The following DYDC2 variants were observed in gnomAD, a reference collection of about 807,000 sequenced individuals.
DYDC2 encodes DPY30 domain-containing protein 2.
Under a neutral mutation model 18.7 loss-of-function variants are expected in DYDC2, and 19 were observed. The ratio of observed to expected loss-of-function variants is 1.02; its 90% CI spans 0.71 to 1.49. The LOEUF is 1.49. Among genes scored for constraint, DYDC2 ranks in the 40% most tolerant of loss-of-function variants. The pLI, the probability that DYDC2 is intolerant of heterozygous loss-of-function variation, is 0.00. For missense variants in DYDC2, 179 were observed against 205.1 expected, an observed-to-expected ratio of 0.87 and a Z score of 0.78; for synonymous variants, 63 against 67.6, an observed-to-expected ratio of 0.93 and a Z score of 0.34.
chr10:80,363,074 G>A lies in DYDC2; in HGVS notation c.270+1G>A, dbSNP rs764944790. 5 of 1,610,796 alleles carry A rather than the reference G, an allele frequency of 3.1e-6. No homozygotes were observed. In the Admixed American group the frequency reaches 5.0e-5, roughly 16 times the overall value. On this transcript the variant is annotated splice_donor_variant, in intron 4 of 4. Coordinates refer to ENST00000256039, the MANE Select transcript of DYDC2 (RefSeq NM_032372.6). LOFTEE classifies it high-confidence loss of function. ...ACAGAACTGTGAAAAGTGTCACAAG[G>A]TAGGGAGAAGGACTCAGCTTTGGGT... is the stretch of plus-strand genomic sequence containing the variant.
At position 80,346,444 on chromosome 10, in the gene DYDC2, C is replaced by CTTTTTTTTTTTTTTTTTT. The variant is rs1032729095; in HGVS notation, c.-310+1639_-310+1656dup. 3.0e-3 allele frequency among the ~76,000 whole-genome samples: 247 copies of CTTTTTTTTTTTTTTTTTT among 83,362 alleles called. 33 individuals are homozygous for CTTTTTTTTTTTTTTTTTT. Among genetic ancestry groups the CTTTTTTTTTTTTTTTTTT allele is most frequent in the African/African-American group, 0.011 (227 of 20,118 alleles). The allele number at this position is 83,362 out of a possible 152,430, so 54.7% of individuals were successfully genotyped here. A position where few individuals can be genotyped will look rare whatever the true frequency, so the allele number is the denominator to read the frequency against. ...TCACCAATGTGTGTCTCTTCCCTTT[C>CTTTTTTTTTTTTTTTTTT]TTTTTTTTTTTTTTTTTTTTTTTTT... On this transcript the variant is annotated intron_variant, in intron 1 of 4. Coordinates refer to the DYDC2 transcript ENST00000372197.
intron 1 of DYDC2, among the ~76,000 whole-genome samples, chr10:80,347,460 C>T (rs372879242): frequency 6.6e-6 from 1 of 151,958 alleles, no homozygotes; most frequent in African/African-American, 2.4e-5. Flanking sequence ...TTGACCTAGT[C>T]CCATTTGTTT....
At position 80,366,763 on chromosome 10, in the gene DYDC2, G is replaced by A. The variant is rs1251778666; in HGVS notation, c.346G>A (p.Ala116Thr). The change falls in exon 5 of 5, where the codon GCC becomes ACC. Residue 116 changes from alanine (A) to threonine (T), a missense_variant. Ala to Thr is a moderately conservative substitution (Grantham distance 58, BLOSUM62 0). Coordinates refer to ENST00000256039, the MANE Select transcript of DYDC2 (RefSeq NM_032372.6). ...QEDTNPLEKEALKQEFLPGTS... is the reference protein window; with the variant it reads ...QEDTNPLEKETLKQEFLPGTS... ...GGACACAAACCCCCTTGAGAAGGAG[G>A]CCTTGAAGCAGGAATTCCTGCCAGG... is the stretch of plus-strand genomic sequence containing the variant. 6.8e-6 allele frequency: 11 copies of A among 1,614,008 alleles called. No individual in the cohort carries two copies. The East Asian group carries it at 1.1e-4, about 16-fold the overall frequency.
Position 80,356,815 on chromosome 10 carries a change from C to A in DYDC2, c.-173C>A, listed in dbSNP as rs1478957373. Reference sequence around the variant, plus strand: ...TGTAGGCGCCGCAAAGCGGAAGGGGCGCGCGGATAGGTGAGCAGAGGGCAC... The same window carrying A: ...TGTAGGCGCCGCAAAGCGGAAGGGGAGCGCGGATAGGTGAGCAGAGGGCAC... On this transcript the variant is annotated 5_prime_UTR_variant, in exon 1 of 5. Transcript: ENST00000256039. The A allele has an allele frequency of 4.1e-6, 4 of 984,904 alleles. No homozygotes were observed. The highest frequency in any genetic ancestry group is 1.2e-4 in the Admixed American group (2 of 16,224). 61.0% of individuals were successfully genotyped at this position (984,904 alleles called of 1,614,324 possible). A position where few individuals can be genotyped will look rare whatever the true frequency, so the allele number is the denominator to read the frequency against.
chr10:80,359,611 T>C (rs1462339997), intron 2 of DYDC2, among the ~76,000 whole-genome samples: 2 of 152,092 alleles, frequency 1.3e-5, no homozygotes, highest in African/African-American at 2.4e-5. Flanking sequence ...GGCTCGGGCA[T>C]GGCGGGCTGC....
At chr10:80,349,779 C>T (rs543570974) in intron 1 of DYDC2, among the ~76,000 whole-genome samples, 2 of 152,298 alleles carry the variant, frequency 1.3e-5, no homozygotes, top group Admixed American at 6.5e-5. Flanking sequence ...AATCCCCTTC[C>T]TCACACATGA....
intron 1 of DYDC2, among the ~76,000 whole-genome samples, chr10:80,357,199 G>A (rs993968871): frequency 6.7e-6 from 1 of 149,642 alleles, no homozygotes; most frequent in African/African-American, 2.5e-5. Flanking sequence ...GAAAGAAGGG[G>A]AGCGTGGCAG....
At chr10:80,358,616 C>T (rs1214727833) in intron 2 of DYDC2, among the ~76,000 whole-genome samples, 1 of 152,180 alleles carries the variant, frequency 6.6e-6, no homozygotes, top group Non-Finnish European at 1.5e-5. Flanking sequence ...GTTGGTGATT[C>T]TGCCTTCGGG....
chr10:80,356,620 G>T, upstream of DYDC2: 2 of 985,522 alleles, frequency 2.0e-6, no homozygotes, highest in Non-Finnish European at 2.4e-6. Flanking sequence ...GACGCCCAAG[G>T]CCCAACGGTC....
upstream of DYDC2, chr10:80,344,755 A>G (rs546604636): frequency 1.1e-4 from 35 of 327,898 alleles, no homozygotes; most frequent in African/African-American, 6.7e-4. Flanking sequence ...TGCTGCCACC[A>G]TGTAAGAAGT....
chr10:80,356,578 CG>C (rs2132869828), upstream of DYDC2: 1 of 985,528 alleles, frequency 1.0e-6, no homozygotes, highest in East Asian at 1.1e-4. Flanking sequence ...AGGCGCGAAG[CG>C]GCCTCTCTCC....
chr10:80,365,004 T>C (rs1260319566), intron 4 of DYDC2, among the ~76,000 whole-genome samples: 3 of 152,216 alleles, frequency 2.0e-5, no homozygotes, highest in Non-Finnish European at 2.9e-5. Context: ...TTGCTATTGG[T>C]CACCTTCACC....
chr10:80,350,104 C>G (rs1842897330), intron 1 of DYDC2, among the ~76,000 whole-genome samples: 1 of 151,766 alleles, frequency 6.6e-6, no homozygotes, highest in Admixed American at 6.6e-5. Context: ...TCGATCTCTC[C>G]TATCTATTTC....
rs200443758 is a variant in DYDC2, at chr10:80,366,979, A to G, written c.*28A>G. On this transcript the variant is annotated 3_prime_UTR_variant, in exon 5 of 5. Coordinates refer to ENST00000256039, the MANE Select transcript of DYDC2 (RefSeq NM_032372.6). ...TACAGAAGGTAGATGCTTCTGATTT[A>G]CTTCTCTCAAAGCTAGAAGCCAAGA... The G allele has an allele frequency of 8.2e-6, 13 of 1,580,834 alleles. No homozygotes were observed. The African/African-American group carries it at 1.8e-4, about 21-fold the overall frequency.
chr10:80,363,454 C>A (rs1277281795), intron 4 of DYDC2, among the ~76,000 whole-genome samples: 1 of 146,636 alleles, frequency 6.8e-6, no homozygotes, highest in Admixed American at 7.0e-5. Flanking sequence ...AAGTGATTCT[C>A]CTGTCTCAGC....
intron 1 of DYDC2, among the ~76,000 whole-genome samples, chr10:80,351,220 T>G (rs1842954544): frequency 6.6e-6 from 1 of 152,050 alleles, no homozygotes; most frequent in Admixed American, 6.6e-5. Flanking sequence ...AGAAGGTGCT[T>G]CCACCAACAC....
chr10:80,352,077 T>C (rs1589519958), upstream of DYDC2: 2 of 1,364,134 alleles, frequency 1.5e-6, no homozygotes, highest in East Asian at 4.6e-5. Context: ...TTGAAAGCAC[T>C]TAATAGGAAC....
chr10:80,359,137 C>A (rs1298911921), intron 2 of DYDC2, among the ~76,000 whole-genome samples: 1 of 152,178 alleles, frequency 6.6e-6, no homozygotes, highest in Non-Finnish European at 1.5e-5. Flanking sequence ...GTTCATTTTA[C>A]AGAGAGCTGA....
upstream of DYDC2, among the ~76,000 whole-genome samples, chr10:80,353,327 A>AT (rs1269972658): frequency 6.6e-6 from 1 of 150,944 alleles, no homozygotes; most frequent in East Asian, 2.0e-4. Context: ...TGTCTGGCTA[A>AT]TTTTTTTTGT....
Sources: gnomAD v4.1 joint callset for allele counts (sites outside exome capture counted in the v4.1 genomes callset) on GRCh38, gnomAD v4.1.1 for gene constraint, MANE v1.5 for transcripts, NCBI Gene and HGNC (gene_info 2026-07-23, HGNC 2026-07-21) for gene names.